Variants in AKT3 observed in about 807,000 individuals in gnomAD.
AKT3 encodes the protein RAC-gamma serine/threonine-protein kinase.
In AKT3, 15 loss-of-function variants were observed where a neutral mutation model predicts 65.3. The ratio of observed to expected loss-of-function variants is 0.23; its 90% CI spans 0.15 to 0.35. The LOEUF is 0.35. Ranked by LOEUF, AKT3 falls within the 10% of genes least tolerant of loss-of-function variation. The pLI is 1.00. For missense variants in AKT3, 243 were observed against 576.5 expected, an observed-to-expected ratio of 0.42 and a Z score of 5.92; for synonymous variants, 206 against 183.8, an observed-to-expected ratio of 1.12 and a Z score of -0.98.
At chr1:243,597,305 T>C (rs1676686414) in intron 8 of AKT3, among the ~76,000 whole-genome samples, 1 of 152,194 alleles carries the variant, frequency 6.6e-6, no homozygotes, top group Non-Finnish European at 1.5e-5. Context: ...ACATAATTAG[T>C]AGGCAACAAG....
chr1:243,797,354 G>A (rs924878501), intron 2 of AKT3, among the ~76,000 whole-genome samples: 2 of 151,910 alleles, frequency 1.3e-5, no homozygotes, highest in Admixed American at 6.6e-5. Context: ...TTATCTCTCC[G>A]CCAGTTACAG....
At chr1:243,640,294 C>T (rs1170011257) in intron 5 of AKT3, among the ~76,000 whole-genome samples, 5 of 152,148 alleles carry the variant, frequency 3.3e-5, no homozygotes, top group African/African-American at 1.2e-4. Flanking sequence ...GGGAATACTA[C>T]ATAACAAGCT....
At chr1:243,714,402 T>C (rs1031368974) in intron 2 of AKT3, among the ~76,000 whole-genome samples, 1 of 152,202 alleles carries the variant, frequency 6.6e-6, no homozygotes, top group Non-Finnish European at 1.5e-5. Context: ...CATTGGAGTG[T>C]TTCTAAGTTA....
intron 3 of AKT3, among the ~76,000 whole-genome samples, chr1:243,692,736 A>C (rs1684778642): frequency 1.3e-5 from 2 of 149,650 alleles, no homozygotes; most frequent in Admixed American, 6.7e-5. Context: ...AGACTGTCTA[A>C]AAAAAAAAAA....
intron 2 of AKT3, among the ~76,000 whole-genome samples, chr1:243,701,119 G>C (rs879710935): frequency 2.6e-5 from 4 of 152,186 alleles, no homozygotes; most frequent in Admixed American, 2.6e-4. Context: ...AAGTGTAAAA[G>C]CTGAAGTCGT....
chr1:243,766,964 T>C (rs1689867965), intron 2 of AKT3, among the ~76,000 whole-genome samples: 1 of 152,176 alleles, frequency 6.6e-6, no homozygotes, highest in African/African-American at 2.4e-5. Context: ...GAACTTATGA[T>C]GACAATGGCA....
At chr1:243,629,059 C>T (rs1011909611) in intron 6 of AKT3, among the ~76,000 whole-genome samples, 1 of 151,162 alleles carries the variant, frequency 6.6e-6, no homozygotes, top group Admixed American at 6.6e-5. Flanking sequence ...GGTGGATCAC[C>T]TGAGGTCAGG....
intron 8 of AKT3, chr1:243,612,613 C>A (rs2148600958): frequency 6.4e-6 from 1 of 155,524 alleles, no homozygotes; most frequent in East Asian, 1.7e-4. Context: ...TTAGCTTTTC[C>A]AGTAAATTTA....
intron 12 of AKT3, among the ~76,000 whole-genome samples, chr1:243,515,054 A>C (rs1394126544): frequency 6.6e-6 from 1 of 152,178 alleles, no homozygotes; most frequent in Non-Finnish European, 1.5e-5. Context: ...ATCATAGAGT[A>C]TGTACTCTTT....
chr1:243,794,598 G>C (rs1297760369), intron 2 of AKT3, among the ~76,000 whole-genome samples: 1 of 152,038 alleles, frequency 6.6e-6, no homozygotes, highest in Non-Finnish European at 1.5e-5. Context: ...CCAGAAATGG[G>C]TGTTATCTAC....
In AKT3 at chr1:243,505,180, T is replaced by G. The variant is rs1669586290; in HGVS notation, c.*69A>C. 9 of 1,443,256 alleles carry G rather than the reference T, an allele frequency of 6.2e-6. No individual in the cohort carries two copies. Among genetic ancestry groups the G allele is most frequent in the Non-Finnish European group, 7.8e-6 (8 of 1,029,688 alleles). 89.4% of individuals were successfully genotyped at this position (1,443,256 alleles called of 1,614,324 possible). A position where few individuals can be genotyped will look rare whatever the true frequency, so the allele number is the denominator to read the frequency against. On this transcript the variant is annotated 3_prime_UTR_variant, in exon 14 of 14. Coordinates refer to ENST00000673466, the MANE Select transcript of AKT3 (RefSeq NM_005465.7). ...CCCTGCTATGTGTAAGAGCTAGGAC[T>G]GGTGATGTCCAGGAATCATTTTCAG...
chr1:243,780,729 T>C (rs1690856270), intron 2 of AKT3, among the ~76,000 whole-genome samples: 1 of 151,932 alleles, frequency 6.6e-6, no homozygotes, highest in African/African-American at 2.4e-5. Flanking sequence ...TTGTAATTGT[T>C]CTAACTTTTA....
At chr1:243,700,560 G>A (rs1163639935) in intron 2 of AKT3, among the ~76,000 whole-genome samples, 2 of 148,048 alleles carry the variant, frequency 1.4e-5, no homozygotes, top group African/African-American at 5.0e-5. Flanking sequence ...CTGGAGTGTA[G>A]TGGTGCAATC....
rs1686197115 is a variant in AKT3, at chr1:243,712,086, G to C, written c.47-16370C>G. On this transcript the variant is annotated intron_variant, in intron 2 of 13. Coordinates refer to ENST00000673466, the MANE Select transcript of AKT3 (RefSeq NM_005465.7). ...ACAAACACCTTCTACTTAAAAAATG[G>C]CATACTGCTCGCCTCCAAACTTGGT... 2.0e-5 allele frequency among the ~76,000 whole-genome samples: 3 copies of C among 152,042 alleles called. No individual in the cohort carries two copies. In the South Asian group the frequency reaches 6.2e-4, roughly 32 times the overall value.
At chr1:243,676,980 A>C (rs991988996) in intron 3 of AKT3, among the ~76,000 whole-genome samples, 2 of 152,224 alleles carry the variant, frequency 1.3e-5, no homozygotes, top group South Asian at 2.1e-4. Context: ...TCCTGTCTGC[A>C]GGACAATGTT....
intron 1 of AKT3, among the ~76,000 whole-genome samples, chr1:243,848,483 A>T (rs538115363): frequency 1.1e-4 from 16 of 152,298 alleles, no homozygotes; most frequent in Non-Finnish European, 2.1e-4. Flanking sequence ...AGTTCTGAAG[A>T]CTAATCTTCA....
chr1:243,654,740 C>G (rs1382643366), intron 4 of AKT3, among the ~76,000 whole-genome samples: 1 of 152,110 alleles, frequency 6.6e-6, no homozygotes, highest in African/African-American at 2.4e-5. Context: ...TGGAAATATT[C>G]CATTATTTGG....
At chr1:243,785,150 C>T (rs1159836369) in intron 2 of AKT3, among the ~76,000 whole-genome samples, 2 of 151,432 alleles carry the variant, frequency 1.3e-5, no homozygotes, top group African/African-American at 4.9e-5. Context: ...CTGCAAGCTC[C>T]GCCTCCTGGG....
intron 8 of AKT3, among the ~76,000 whole-genome samples, chr1:243,609,052 G>A (rs956280755): frequency 2.0e-5 from 3 of 151,674 alleles, no homozygotes; most frequent in Non-Finnish European, 2.9e-5. Flanking sequence ...ACGCCTGGTC[G>A]TTTTCTGCAT....
Sources: gnomAD v4.1 joint callset for allele counts (sites outside exome capture counted in the v4.1 genomes callset) on GRCh38, gnomAD v4.1.1 for gene constraint, MANE v1.5 for transcripts, NCBI Gene and HGNC (gene_info 2026-07-23, HGNC 2026-07-21) for gene names.